Variants in RAP1GAP2 observed in about 807,000 individuals in gnomAD.
The protein encoded by RAP1GAP2 is rap1 GTPase-activating protein 2.
A neutral mutation model predicts 95.0 loss-of-function variants in RAP1GAP2; 27 were observed. The observed-to-expected ratio is 0.28, with a 90% CI of 0.21 to 0.39. The LOEUF (loss-of-function observed/expected upper bound fraction) is 0.39. Among genes scored for constraint, RAP1GAP2 ranks in the 10% least tolerant of loss-of-function variants. The pLI is 1.00. For synonymous variants in RAP1GAP2, 373 were observed against 380.9 expected (o/e 0.98, Z 0.24); for missense variants, 771 against 970.0 (o/e 0.79, Z 2.72).
At chr17:2,992,062 G>C (rs7218482) in intron 12 of RAP1GAP2, among the ~76,000 whole-genome samples, 38,606 of 152,082 alleles carry the variant, frequency 0.25, 5,494 homozygotes, top group Non-Finnish European at 0.32. Flanking sequence ...CGCCGCGCCT[G>C]GCCTGAAATG....
intron 2 of RAP1GAP2, among the ~76,000 whole-genome samples, chr17:2,771,533 G>A (rs561079794): frequency 3.0e-5 from 4 of 133,212 alleles, no homozygotes; most frequent in African/African-American, 8.7e-5. Flanking sequence ...TGCTCTTGTC[G>A]TCCAGGCTGG....
At chr17:2,792,207 C>G (rs2068943490), upstream of RAP1GAP2, among the ~76,000 whole-genome samples, 2 of 152,328 alleles carry the variant, frequency 1.3e-5, no homozygotes, top group African/African-American at 4.8e-5. Context: ...AGCCCACAGT[C>G]TCCTTGCTGT....
Position 3,035,570 on chromosome 17 carries a change from A to G in RAP1GAP2, c.*2209A>G, listed in dbSNP as rs9889832. ...TGGCCCCCAGAGAAGCACAGACCTG[A>G]GATGGGGTCTCCATGCCCGGTTTGC... On this transcript the variant is annotated 3_prime_UTR_variant, in exon 25 of 25. Transcript: ENST00000254695. The surrounding 1 kb of genome is among the most constrained non-coding windows in gnomAD (Gnocchi z 4.3). 0.14 allele frequency: 20,671 copies of G among 152,562 alleles called. 1,559 individuals carry two copies. Among genetic ancestry groups the G allele is most frequent in the Middle Eastern group, 0.28 (82 of 296 alleles). 9.5% of individuals were successfully genotyped at this position (152,562 alleles called of 1,614,324 possible).
Position 2,905,272 on chromosome 17 carries a change from G to A in RAP1GAP2, c.81-12G>A, listed in dbSNP as rs1446727091. 6.2e-7 allele frequency: 1 copy of A among 1,613,090 alleles called. No individual in the cohort carries two copies. The highest frequency in any genetic ancestry group is 1.3e-5 in the African/African-American group (1 of 74,900). ...GGCAGGTCCTCACTCACCTCTTTTG[G>A]CCTCTTCACAGGAAGCAGGAGCTGG... On this transcript the variant is annotated splice_polypyrimidine_tract_variant and intron_variant, in intron 2 of 24. Coordinates refer to ENST00000254695, the MANE Select transcript of RAP1GAP2 (RefSeq NM_015085.5).
At chr17:3,016,830 C>T (rs1443422) in intron 17 of RAP1GAP2, among the ~76,000 whole-genome samples, 104,779 of 152,060 alleles carry the variant, frequency 0.69, 36,563 homozygotes, top group Non-Finnish European at 0.75. Context: ...GTCACCTGCC[C>T]GGGGTTACTC....
intron 2 of RAP1GAP2, among the ~76,000 whole-genome samples, chr17:2,882,180 G>A (rs1161982845): frequency 6.8e-6 from 1 of 147,828 alleles, no homozygotes; most frequent in Non-Finnish European, 1.5e-5. Context: ...AGGCTAGAGT[G>A]CAGTGGTGCG....
upstream of RAP1GAP2, among the ~76,000 whole-genome samples, chr17:2,776,050 G>T (rs1429877361): frequency 6.6e-6 from 1 of 152,132 alleles, no homozygotes; most frequent in African/African-American, 2.4e-5. Context: ...ATGGTGGCGG[G>T]TGCCTGTAAT....
At chr17:3,018,311 G>A in intron 18 of RAP1GAP2, 113 bp downstream of exon 18, 1 of 1,359,750 alleles carries the variant, frequency 7.4e-7, no homozygotes. Context: ...ATCAGGGCAA[G>A]CTGGATGATG....
chr17:2,881,591 A>G (rs750100179), intron 2 of RAP1GAP2, among the ~76,000 whole-genome samples: 3 of 152,206 alleles, frequency 2.0e-5, no homozygotes, highest in Non-Finnish European at 4.4e-5. Flanking sequence ...ATCATTGTGA[A>G]TAGTGTTGCT....
chr17:2,973,064 G>C (rs934150468), intron 8 of RAP1GAP2, among the ~76,000 whole-genome samples: 1 of 152,156 alleles, frequency 6.6e-6, no homozygotes, highest in Non-Finnish European at 1.5e-5. Context: ...GCAATGTGGA[G>C]GGTGTGTCTG....
In RAP1GAP2 at chr17:2,837,607, C is replaced by CT. The variant is rs36019609; in HGVS notation, c.80+37074dup. On this transcript the variant is annotated intron_variant, in intron 2 of 24. Transcript: ENST00000254695. The stretch of plus-strand genomic sequence containing the variant: ...CTGTGTCAGGGTGTCAGCCCTGCTT[C>CT]TTTTTTTTTTTTTTTTTGAGATGGA... Among the ~76,000 whole-genome samples the CT allele has an allele frequency of 3.9e-3, 478 of 122,138 alleles. 4 individuals are homozygous for CT. The highest frequency in any genetic ancestry group is 8.1e-3 in the African/African-American group (252 of 31,198). The allele number at this position is 122,138 out of a possible 152,430, so 80.1% of individuals were successfully genotyped here. A position where few individuals can be genotyped will look rare whatever the true frequency, so the allele number is the denominator to read the frequency against.
At chr17:2,947,294 A>T (rs1252175472) in intron 3 of RAP1GAP2, among the ~76,000 whole-genome samples, 1 of 151,918 alleles carries the variant, frequency 6.6e-6, no homozygotes, top group Non-Finnish European at 1.5e-5. Context: ...TTGGAACAGG[A>T]CCTGATTCTG....
intron 17 of RAP1GAP2, among the ~76,000 whole-genome samples, chr17:3,011,764 T>G (rs951809800): frequency 2.0e-5 from 3 of 151,786 alleles, no homozygotes; most frequent in African/African-American, 7.3e-5. Context: ...GGATTACAGG[T>G]GCCCGCCACC....
chr17:2,919,850 C>T (rs1028370288), intron 3 of RAP1GAP2, among the ~76,000 whole-genome samples: 7 of 151,686 alleles, frequency 4.6e-5, no homozygotes, highest in Non-Finnish European at 1.0e-4. Flanking sequence ...TTACAGGCAC[C>T]GCCCCATACC....
At position 2,965,894 on chromosome 17, in the gene RAP1GAP2, T is replaced by C. The variant is rs2044573160; in HGVS notation, c.596+251T>C. ...CTCAAGGTCACCCAGACTGTACCCC[T>C]TCCTGCCCCTCTTTCTTACAAGTCC... is the stretch of plus-strand genomic sequence containing the variant. On this transcript the variant is annotated intron_variant, in intron 8 of 24. Transcript: ENST00000254695. The surrounding 1 kb of genome is among the most constrained non-coding windows in gnomAD (Gnocchi z 4.7). 2.0e-6 allele frequency: 1 copy of C among 505,328 alleles called. No individual in the cohort carries two copies. The highest frequency in any genetic ancestry group is 3.5e-6 in the Non-Finnish European group (1 of 282,066). The allele number at this position is 505,328 out of a possible 1,614,324, so 31.3% of individuals were successfully genotyped here.
At chr17:2,758,173 C>A (rs998004279) in intron 1 of RAP1GAP2, among the ~76,000 whole-genome samples, 1 of 130,880 alleles carries the variant, frequency 7.6e-6, no homozygotes, top group Non-Finnish European at 1.7e-5. Context: ...CTGGCCACGC[C>A]CCCCCCCCTT....
intron 2 of RAP1GAP2, among the ~76,000 whole-genome samples, chr17:2,850,637 C>G (rs2071799835): frequency 6.7e-6 from 1 of 149,242 alleles, no homozygotes; most frequent in Non-Finnish European, 1.5e-5. Flanking sequence ...GTAATCCCAG[C>G]TACTCGGGAG....
intron 2 of RAP1GAP2, among the ~76,000 whole-genome samples, chr17:2,834,874 C>T (rs2071060461): frequency 6.6e-6 from 1 of 152,086 alleles, no homozygotes; most frequent in Non-Finnish European, 1.5e-5. Context: ...AATCCTTCAC[C>T]ATCCACCTGA....
In RAP1GAP2 at chr17:3,026,593, C is replaced by T. The variant is rs578209705; in HGVS notation, c.1980+129C>T. 30 of 871,176 alleles carry T rather than the reference C, an allele frequency of 3.4e-5. No individual in the cohort carries two copies. In the African/African-American group the frequency reaches 3.9e-4, roughly 11 times the overall value. 54.0% of individuals were successfully genotyped at this position (871,176 alleles called of 1,614,324 possible). ...GCAGAGGAAAGGGGAAGAATGGAAA[C>T]GAGAGGTGGGCTCGTTGGCCATCAC... is the stretch of plus-strand genomic sequence containing the variant. On this transcript the variant is annotated intron_variant, in intron 21 of 24. Transcript: ENST00000254695.
Sources: gnomAD v4.1 joint callset for allele counts (sites outside exome capture counted in the v4.1 genomes callset) on GRCh38, gnomAD v4.1.1 for gene constraint, Gnocchi (gnomAD v3.1) non-coding constraint, MANE v1.5 for transcripts, NCBI Gene and HGNC (gene_info 2026-07-23, HGNC 2026-07-21) for gene names.